IL5RA: variants seen among roughly 807,000 people sequenced by gnomAD.
The protein encoded by IL5RA is interleukin-5 receptor subunit alpha.
IL5RA carries 49 observed loss-of-function variants against 50.0 expected under a neutral mutation model. The ratio of observed to expected loss-of-function variants is 0.98; its 90% CI spans 0.78 to 1.24. The LOEUF is 1.24. Ranked by LOEUF, IL5RA falls within the 50% of genes most tolerant of loss-of-function variation. The pLI, the probability that IL5RA is intolerant of heterozygous loss-of-function variation, is 0.00. For synonymous variants in IL5RA, 202 were observed against 174.0 expected, an observed-to-expected ratio of 1.16 and a Z score of -1.26; for missense variants, 600 against 500.4, an observed-to-expected ratio of 1.20 and a Z score of -1.90.
At position 3,066,610 on chromosome 3, in the gene IL5RA, T is replaced by C. The variant is rs1159771047; in HGVS notation, c.*3615A>G. The stretch of plus-strand genomic sequence containing the variant: ...AGTTCTCTGTTCTCACTTCCAGATA[T>C]CTACTTTTTCTTTAACAAATTAGCA... On this transcript the variant is annotated 3_prime_UTR_variant, in exon 12 of 12. Transcript: ENST00000446632. The C allele has an allele frequency of 6.6e-6, 1 of 152,332 alleles. No individual in the cohort carries two copies. Among genetic ancestry groups the C allele is most frequent in the Non-Finnish European group, 1.5e-5 (1 of 68,042 alleles). The allele number at this position is 152,332 out of a possible 1,614,324, so 9.4% of individuals were successfully genotyped here. A position where few individuals can be genotyped will look rare whatever the true frequency, so the allele number is the denominator to read the frequency against.
intron 11 of IL5RA, among the ~76,000 whole-genome samples, chr3:3,071,131 T>C (rs1286033753): frequency 2.6e-5 from 4 of 152,234 alleles, no homozygotes; most frequent in African/African-American, 9.6e-5. Context: ...TTATCTCATT[T>C]ACTCATCCAA....
chr3:3,084,427 A>G (rs1702780385), intron 9 of IL5RA, among the ~76,000 whole-genome samples: 1 of 152,254 alleles, frequency 6.6e-6, no homozygotes, highest in Admixed American at 6.5e-5. Flanking sequence ...GGGTATGGGT[A>G]TTCCTACCCT....
chr3:3,075,747 C>T (rs1055049143), intron 10 of IL5RA, among the ~76,000 whole-genome samples: 7 of 151,954 alleles, frequency 4.6e-5, no homozygotes, highest in South Asian at 2.1e-4. Context: ...AATACAGGCA[C>T]GTACCACCAC....
chr3:3,084,597 C>T (rs1255522834), intron 9 of IL5RA, among the ~76,000 whole-genome samples: 1 of 152,240 alleles, frequency 6.6e-6, no homozygotes, highest in Non-Finnish European at 1.5e-5. Flanking sequence ...TTCCTGCTTG[C>T]ACAGCCCCCA....
intron 8 of IL5RA, among the ~76,000 whole-genome samples, chr3:3,094,092 A>G (rs1455254652): frequency 1.3e-5 from 2 of 152,160 alleles, no homozygotes; most frequent in Non-Finnish European, 2.9e-5. Flanking sequence ...ATTTTTGTCT[A>G]TTAGTGCTAA....
intron 1 of IL5RA, 127 bp downstream of exon 1, chr3:3,109,818 C>G (rs980270704): frequency 6.6e-6 from 1 of 152,180 alleles, no homozygotes; most frequent in South Asian, 2.1e-4. Context: ...CCTAACCCTC[C>G]TCCCCACCCT....
intron 9 of IL5RA, among the ~76,000 whole-genome samples, chr3:3,077,931 T>C (rs1245392647): frequency 1.3e-5 from 2 of 152,196 alleles, no homozygotes; most frequent in African/African-American, 4.8e-5. Context: ...TGCTCATTCA[T>C]TAATTCCTTT....
chr3:3,074,944 C>T (rs1228876211), intron 10 of IL5RA, 78 bp from the exon 11 acceptor site: 2 of 867,082 alleles, frequency 2.3e-6, no homozygotes, highest in African/African-American at 1.7e-5. Context: ...AAAAATTGAC[C>T]TGGTTGATTC....
At chr3:3,083,226 C>G (rs1702727734) in intron 9 of IL5RA, among the ~76,000 whole-genome samples, 1 of 152,134 alleles carries the variant, frequency 6.6e-6, no homozygotes, top group Admixed American at 6.6e-5. Context: ...AGTGAGCTTT[C>G]AAGGCAGCTG....
At chr3:3,078,374 C>G (rs1702556104) in intron 9 of IL5RA, among the ~76,000 whole-genome samples, 2 of 152,188 alleles carry the variant, frequency 1.3e-5, no homozygotes, top group Admixed American at 6.5e-5. Context: ...GGACCCTTAT[C>G]CAAGCTTTAT....
At chr3:3,093,193 T>C (rs1421181302) in intron 8 of IL5RA, among the ~76,000 whole-genome samples, 1 of 152,208 alleles carries the variant, frequency 6.6e-6, no homozygotes, top group Non-Finnish European at 1.5e-5. Flanking sequence ...CAATGTCAGA[T>C]ACAGAGTCAT....
intron 9 of IL5RA, among the ~76,000 whole-genome samples, chr3:3,086,622 C>T (rs1472656780): frequency 6.6e-6 from 1 of 151,908 alleles, no homozygotes; most frequent in Admixed American, 6.6e-5. Flanking sequence ...TGCCTGAGCC[C>T]AGGAGTTCGA....
rs563727173 is a variant in IL5RA at position 3,103,230 on chromosome 3, C to T, written c.83-410G>A. Among the ~76,000 whole-genome samples the T allele has an allele frequency of 9.5e-4, 144 of 152,208 alleles. 1 individual carries two copies. The highest frequency in any genetic ancestry group is 3.2e-3 in the African/African-American group (132 of 41,534). Reference sequence around the variant, plus strand: ...GTTTTTAATATCTTTTTTACGTTGCCCATGTCCAGGTGTTTACCTATAATA... The same window carrying T: ...GTTTTTAATATCTTTTTTACGTTGCTCATGTCCAGGTGTTTACCTATAATA... On this transcript the variant is annotated intron_variant, in intron 3 of 11. Coordinates refer to ENST00000446632, the MANE Select transcript of IL5RA (RefSeq NM_175726.4).
chr3:3,078,409 CT>C (rs1702557353), intron 9 of IL5RA, among the ~76,000 whole-genome samples: 1 of 152,170 alleles, frequency 6.6e-6, no homozygotes, highest in Non-Finnish European at 1.5e-5. Context: ...AAGTTTTAAT[CT>C]CCTTCTTCAT....
At chr3:3,098,402 C>G in intron 5 of IL5RA, 112 bp from the exon 6 acceptor site, 1 of 906,196 alleles carries the variant, frequency 1.1e-6, no homozygotes, top group South Asian at 1.6e-5. Flanking sequence ...AAAAAATAAT[C>G]ATCTTCACAT....
At chr3:3,097,735 G>T in intron 7 of IL5RA, 135 bp downstream of exon 7, 1 of 927,380 alleles carries the variant, frequency 1.1e-6, no homozygotes, top group Non-Finnish European at 1.6e-6. Flanking sequence ...CCTTGCCCCA[G>T]TGGTTTTCAA....
At chr3:3,084,262 T>C (rs1702773132) in intron 9 of IL5RA, among the ~76,000 whole-genome samples, 1 of 152,160 alleles carries the variant, frequency 6.6e-6, no homozygotes, top group Admixed American at 6.5e-5. Flanking sequence ...TAGGATGAAA[T>C]GCATTGTGTC....
In IL5RA at chr3:3,101,697, G is replaced by A; in HGVS notation, c.362C>T (p.Pro121Leu). 6.2e-7 allele frequency: 1 copy of A among 1,613,564 alleles called. No individual in the cohort carries two copies. The highest frequency in any genetic ancestry group is 8.5e-7 in the Non-Finnish European group (1 of 1,179,822). Residue 121 changes from proline (P) to leucine (L), a missense_variant, in exon 5 of 12, where the codon CCA becomes CTA. By Grantham distance (98) the Pro-to-Leu change is moderately conservative. Coordinates refer to ENST00000446632, the MANE Select transcript of IL5RA (RefSeq NM_175726.4). The stretch of plus-strand genomic sequence containing the variant: ...CTTTTGGAGGCCTGCTTTACCTGGT[G>A]GGGCATGAAGTTCAGCAGAAGCCCA... ...SSWASAELHAPPGSPGTSIVN... is the reference protein window; with the variant it reads ...SSWASAELHALPGSPGTSIVN...
At chr3:3,076,448 T>C (rs1372333278) in intron 10 of IL5RA, 83 bp downstream of exon 10, 3 of 869,658 alleles carry the variant, frequency 3.4e-6, no homozygotes, top group Admixed American at 4.3e-5. Context: ...ATAAGAACCC[T>C]CTGCCTACCG....
Sources: gnomAD v4.1 joint callset for allele counts (sites outside exome capture counted in the v4.1 genomes callset) on GRCh38, gnomAD v4.1.1 for gene constraint, MANE v1.5 for transcripts, NCBI Gene and HGNC (gene_info 2026-07-23, HGNC 2026-07-21) for gene names.